ZNF737: variants seen among roughly 807,000 people sequenced by gnomAD.
ZNF737 encodes zinc finger protein 102 (Y3).
A neutral mutation model predicts 11.7 loss-of-function variants in ZNF737; 13 were observed. The observed-to-expected ratio is 1.11, with a 90% confidence interval of 0.73 to 1.77. The LOEUF is 1.77. ZNF737 is among the 40% of genes most tolerant of loss of function. The pLI is 0.00. For missense variants in ZNF737, 636 were observed against 638.0 expected, an observed-to-expected ratio of 1.00 and a Z score of 0.03; for synonymous variants, 217 against 216.2, an observed-to-expected ratio of 1.00 and a Z score of -0.03.
chr19:20,561,120 T>A (rs782547728), intron 1 of ZNF737, among the ~76,000 whole-genome samples: 2 of 152,106 alleles, frequency 1.3e-5, no homozygotes, highest in African/African-American at 2.4e-5. Context: ...GAGGACTGAT[T>A]TTTGCTACAG....
chr19:20,543,252 AATATAAATTCCCTG>A lies in ZNF737; in HGVS notation c.*1326_*1339del. ...TAATACATTTGTAGGACTCATCTCC[AATATAAATTCCCTG>A]ATGTTGAACAAACTTGAGCAACTGC... is the stretch of plus-strand genomic sequence containing the variant. On this transcript the variant is annotated 3_prime_UTR_variant, in exon 4 of 4. Coordinates refer to ENST00000427401, the MANE Select transcript of ZNF737 (RefSeq NM_001159293.2). 5.1e-6 allele frequency: 5 copies of A among 985,434 alleles called. No homozygotes were observed. Among genetic ancestry groups the A allele is most frequent in the Non-Finnish European group, 6.0e-6 (5 of 829,924 alleles). 61.0% of individuals were successfully genotyped at this position (985,434 alleles called of 1,614,324 possible).
intron 2 of ZNF737, among the ~76,000 whole-genome samples, chr19:20,552,790 A>G (rs376584333): frequency 9.9e-5 from 15 of 152,062 alleles, no homozygotes; most frequent in East Asian, 3.9e-4. Flanking sequence ...AAGGTGGGTG[A>G]ATCACGAGGT....
At chr19:20,532,312 T>C (rs1370073819), downstream of ZNF737, among the ~76,000 whole-genome samples, 1 of 150,244 alleles carries the variant, frequency 6.7e-6, no homozygotes, top group East Asian at 2.0e-4. Context: ...GCTAATTTGC[T>C]TAATTTATCT....
rs1280814717 is a variant in ZNF737 at position 20,545,181 on chromosome 19, T to G, written c.1022A>C (p.Tyr341Ser). Residue 341 changes from tyrosine (Y) to serine (S), a missense_variant, in exon 4 of 4, where the codon TAC becomes TCC. By Grantham distance (144) the Tyr-to-Ser change is moderately radical (BLOSUM62 -2). Coordinates refer to ENST00000427401, the MANE Select transcript of ZNF737 (RefSeq NM_001159293.2). Reference sequence around the variant, plus strand: ...GGCTCTGCCACATTCTTCACATTTGTAGGGTTTCTCTCCAGTATGAATTCT... The same window carrying G: ...GGCTCTGCCACATTCTTCACATTTGGAGGGTTTCTCTCCAGTATGAATTCT... ...HKRIHTGEKP[Y>S]KCEECGRAFK... is the part of the protein sequence containing the mutation. 1.2e-6 allele frequency: 2 copies of G among 1,613,594 alleles called. No individual in the cohort carries two copies. Among genetic ancestry groups the G allele is most frequent in the Non-Finnish European group, 1.7e-6 (2 of 1,179,968 alleles).
intron 1 of ZNF737, among the ~76,000 whole-genome samples, chr19:20,556,116 T>C (rs1187310320): frequency 6.6e-6 from 1 of 152,136 alleles, no homozygotes; most frequent in Non-Finnish European, 1.5e-5. Flanking sequence ...CATCCATTTC[T>C]GCTACAGTAA....
At chr19:20,556,659 C>G (rs1968899609) in intron 1 of ZNF737, among the ~76,000 whole-genome samples, 1 of 152,210 alleles carries the variant, frequency 6.6e-6, no homozygotes, top group Non-Finnish European at 1.5e-5. Flanking sequence ...ACTCTTGTCA[C>G]AACCAAATAC....
Position 20,543,548 on chromosome 19 carries a change from T to C in ZNF737, c.*1044A>G. ...ATATTCCTTCTATTTGTACAATTTTTCTCAAGGATACTAGCTTTTCTGTGA... is the reference window on the plus strand; with the variant it reads ...ATATTCCTTCTATTTGTACAATTTTCCTCAAGGATACTAGCTTTTCTGTGA... On this transcript the variant is annotated 3_prime_UTR_variant, in exon 4 of 4. Transcript: ENST00000427401. 1 of 985,436 alleles carries C rather than the reference T, an allele frequency of 1.0e-6. No individual in the cohort carries two copies. Among genetic ancestry groups the C allele is most frequent in the Non-Finnish European group, 1.2e-6 (1 of 829,908 alleles). The allele number at this position is 985,436 out of a possible 1,614,324, so 61.0% of individuals were successfully genotyped here.
rs148003617 is a variant in ZNF737, at chr19:20,545,713, T to C, written c.490A>G (p.Lys164Glu). The C allele has an allele frequency of 6.9e-4, 1,111 of 1,613,118 alleles. 15 individuals carry two copies. In the East Asian group the frequency reaches 0.018, roughly 26 times the overall value. The stretch of plus-strand genomic sequence containing the variant: ...GGTTTTTTTCCAGTATGTCTTATCT[T>C]ATGTCTGTTTGAATTTGAAAATTTA... ...IHKFSNSNRHKIRHTGKKPFK... is the reference protein window; with the variant it reads ...IHKFSNSNRHEIRHTGKKPFK... Residue 164 changes from lysine to glutamate, a missense_variant, in exon 4 of 4, where the codon AAG (lysine) becomes GAG (glutamate). Coordinates refer to ENST00000427401, the MANE Select transcript of ZNF737 (RefSeq NM_001159293.2).
chr19:20,564,839 C>T (rs1291913756), intron 1 of ZNF737, among the ~76,000 whole-genome samples: 1 of 110,052 alleles, frequency 9.1e-6, no homozygotes, highest in Non-Finnish European at 2.1e-5. Flanking sequence ...AAAATCTAAG[C>T]TCATGTGCAT....
At chr19:20,561,277 GGAGACTTGTA>G (rs1555762379) in intron 1 of ZNF737, among the ~76,000 whole-genome samples, 3 of 152,308 alleles carry the variant, frequency 2.0e-5, no homozygotes. Context: ...GGATACGCCA[GGAGACTTGTA>G]GAGACTTGTG....
At chr19:20,530,823 G>T in the ZNF737 span, among the ~76,000 whole-genome samples, 3 of 147,854 alleles carry the variant, frequency 2.0e-5, 1 homozygote, top group Non-Finnish European at 4.5e-5. Flanking sequence ...TCCCAGACGG[G>T]GTGGCGGCCG....
At position 20,545,116 on chromosome 19, in the gene ZNF737, G is replaced by C. The variant is rs1555756453; in HGVS notation, c.1087C>G (p.His363Asp). The change falls in exon 4 of 4, where the codon CAT becomes GAT. Residue 363 changes from histidine (H) to aspartate (D), a missense_variant. His to Asp is a moderately conservative substitution (Grantham distance 81). Coordinates refer to ENST00000427401, the MANE Select transcript of ZNF737 (RefSeq NM_001159293.2). ...FSSLTTHKII[H>D]SGEKPYKCEE... ...CATTTGTAGGGTTTCTCTCCACTAT[G>C]AATTATCTTGTGTGTAGTAAGGGAT... 6.2e-7 allele frequency: 1 copy of C among 1,611,154 alleles called. No individual in the cohort carries two copies. Among genetic ancestry groups the C allele is most frequent in the South Asian group, 1.1e-5 (1 of 90,668 alleles).
chr19:20,540,275 A>G lies in ZNF737; in HGVS notation c.*4317T>C, dbSNP rs1332873434. On this transcript the variant is annotated 3_prime_UTR_variant, in exon 4 of 4. Transcript: ENST00000427401. Reference sequence around the variant, plus strand: ...AAAAGCACCTCTGATTAAGTTTAGCACAATCAGGATAATCTCCATTTTGAT... The same window carrying G: ...AAAAGCACCTCTGATTAAGTTTAGCGCAATCAGGATAATCTCCATTTTGAT... 1.6e-4 allele frequency: 62 copies of G among 388,560 alleles called. No individual in the cohort carries two copies. The highest frequency in any genetic ancestry group is 2.1e-4 in the Non-Finnish European group (59 of 284,944). 24.1% of individuals were successfully genotyped at this position (388,560 alleles called of 1,614,324 possible).
At chr19:20,564,706 T>G (rs1969230082) in intron 1 of ZNF737, among the ~76,000 whole-genome samples, 1 of 151,992 alleles carries the variant, frequency 6.6e-6, no homozygotes, top group Non-Finnish European at 1.5e-5. Flanking sequence ...CTTGAGGCCT[T>G]GCTTGAGACA....
chr19:20,554,035 C>T (rs1968794103), intron 1 of ZNF737, among the ~76,000 whole-genome samples, 200 bp from the exon 2 acceptor site: 1 of 152,174 alleles, frequency 6.6e-6, no homozygotes, highest in Non-Finnish European at 1.5e-5. Flanking sequence ...AGATCCACAA[C>T]ATCAGTTCAT....
At chr19:20,559,112 A>G (rs1372854716) in intron 1 of ZNF737, among the ~76,000 whole-genome samples, 1 of 152,240 alleles carries the variant, frequency 6.6e-6, no homozygotes, top group East Asian at 1.9e-4. Flanking sequence ...TTCTAGACAC[A>G]GAAACTGGCA....
rs1555756273 is a variant in ZNF737 at position 20,544,924 on chromosome 19, A to G, written c.1279T>C (p.Cys427Arg). The G allele has an allele frequency of 4.3e-6, 7 of 1,612,928 alleles. No individual in the cohort carries two copies. Among genetic ancestry groups the G allele is most frequent in the Non-Finnish European group, 5.1e-6 (6 of 1,179,538 alleles). ...TTAAAGGCCTTGCCACATTCTTCAC[A>G]CTTGAAGGGTTGCTGTCCAGTATGG... ...IIHTGQQPFK[C>R]EECGKAFKCF... is the part of the protein sequence containing the mutation. Residue 427 changes from cysteine to arginine, a missense_variant, in exon 4 of 4, where the codon TGT (cysteine) becomes CGT (arginine). Cys to Arg is a radical substitution (Grantham distance 180). Coordinates refer to ENST00000427401, the MANE Select transcript of ZNF737 (RefSeq NM_001159293.2).
chr19:20,541,240 A>ATGT lies in ZNF737; in HGVS notation c.*3351_*3352insACA. On this transcript the variant is annotated 3_prime_UTR_variant, in exon 4 of 4. Transcript: ENST00000427401. ...TTGCAGTAATTGCTTTTATTCTGAA[A>ATGT]ATATGTACAAACCTATACTCACACA... 2 of 984,562 alleles carry ATGT rather than the reference A, an allele frequency of 2.0e-6. No homozygotes were observed. Among genetic ancestry groups the ATGT allele is most frequent in the Non-Finnish European group, 2.4e-6 (2 of 829,160 alleles). The allele number at this position is 984,562 out of a possible 1,614,324, so 61.0% of individuals were successfully genotyped here.
chr19:20,565,634 T>C lies in ZNF737; in HGVS notation c.3+4A>G, dbSNP rs1555763619. ...CTCTCGGGATGTCGGACCGGCACTCTCACCATTTCTAGGCTTCCAGGGGCT... is the reference window on the plus strand; with the variant it reads ...CTCTCGGGATGTCGGACCGGCACTCCCACCATTTCTAGGCTTCCAGGGGCT... On this transcript the variant is annotated splice_donor_region_variant and intron_variant, in intron 1 of 3. Coordinates refer to ENST00000427401, the MANE Select transcript of ZNF737 (RefSeq NM_001159293.2). The C allele has an allele frequency of 1.1e-5, 17 of 1,613,970 alleles. No homozygotes were observed. Among genetic ancestry groups the C allele is most frequent in the Non-Finnish European group, 1.4e-5 (16 of 1,180,012 alleles).
Sources: gnomAD v4.1 joint callset for allele counts (sites outside exome capture counted in the v4.1 genomes callset) on GRCh38, gnomAD v4.1.1 for gene constraint, MANE v1.5 for transcripts, NCBI Gene and HGNC (gene_info 2026-07-23, HGNC 2026-07-21) for gene names.